Variants in ADAMTSL1 observed in about 807,000 individuals in gnomAD.
ADAMTSL1 encodes the protein ADAMTS-like protein 1.
A neutral mutation model predicts 201.8 loss-of-function variants in ADAMTSL1; 126 were observed. That is an observed-to-expected ratio of 0.62 (90% CI 0.54 to 0.72). The LOEUF is 0.72. Ranked by LOEUF, ADAMTSL1 falls within the 30% of genes least tolerant of loss-of-function variation. The pLI is 0.00. For synonymous variants in ADAMTSL1, 1,121 were observed against 903.4 expected (o/e 1.24, Z -4.32); for missense variants, 2,679 against 2,277.8 (o/e 1.18, Z -3.59).
At chr9:18,342,304 A>T (rs1013414468) in intron 2 of ADAMTSL1, among the ~76,000 whole-genome samples, 8 of 152,150 alleles carry the variant, frequency 5.3e-5, no homozygotes, top group Non-Finnish European at 1.2e-4. Context: ...TTTAGACAGT[A>T]TATAGGTCAT....
At chr9:18,322,365 G>C (rs4526458) in intron 2 of ADAMTSL1, among the ~76,000 whole-genome samples, 48,973 of 152,098 alleles carry the variant, frequency 0.32, 8,752 homozygotes, top group Admixed American at 0.51. Context: ...AGGTGTGGTG[G>C]CTTACACCTG....
At chr9:18,535,388 G>A (rs1819702879) in intron 3 of ADAMTSL1, among the ~76,000 whole-genome samples, 1 of 152,172 alleles carries the variant, frequency 6.6e-6, no homozygotes, top group African/African-American at 2.4e-5. Context: ...CAACAAGACT[G>A]TAGGAAGTTC....
intron 2 of ADAMTSL1, among the ~76,000 whole-genome samples, chr9:18,373,621 C>T (rs1417040): frequency 0.71 from 105,547 of 148,048 alleles, 36,315 homozygotes; most frequent in East Asian, 0.87. Flanking sequence ...CTAAACCCAA[C>T]GGAGATTTTG....
chr9:17,913,848 G>A (rs1161494411), intron 1 of ADAMTSL1, among the ~76,000 whole-genome samples: 3 of 151,998 alleles, frequency 2.0e-5, no homozygotes, highest in Non-Finnish European at 2.9e-5. Context: ...TATCACCACC[G>A]ATCCCACAGA....
chr9:18,687,422 T>C (rs994562128), intron 13 of ADAMTSL1, among the ~76,000 whole-genome samples: 2 of 152,218 alleles, frequency 1.3e-5, no homozygotes, highest in Non-Finnish European at 2.9e-5. Flanking sequence ...AGACTCACAC[T>C]GCTTAAATTA....
intron 1 of ADAMTSL1, among the ~76,000 whole-genome samples, chr9:18,482,970 G>A (rs182524402): frequency 1.9e-3 from 283 of 152,278 alleles, no homozygotes; most frequent in African/African-American, 5.9e-3. Context: ...ACTGGTCTGA[G>A]ATAACAAACA....
intron 2 of ADAMTSL1, among the ~76,000 whole-genome samples, chr9:18,417,999 A>G (rs918354533): frequency 3.3e-5 from 5 of 152,364 alleles, no homozygotes; most frequent in Admixed American, 3.3e-4. Context: ...AAATAATACA[A>G]TATGACCAAG....
intron 1 of ADAMTSL1, among the ~76,000 whole-genome samples, chr9:18,066,880 T>C (rs111243869): frequency 0.015 from 2,268 of 152,170 alleles, 69 homozygotes; most frequent in South Asian, 0.05. Context: ...AGTAAACTAT[T>C]GCGAGAACAA....
chr9:18,896,711 T>C (rs1247692500), intron 26 of ADAMTSL1, among the ~76,000 whole-genome samples: 3 of 152,170 alleles, frequency 2.0e-5, no homozygotes, highest in Non-Finnish European at 4.4e-5. Context: ...TTCTCCTACA[T>C]ATCTTTGCAA....
At chr9:18,193,813 TG>T (rs1829068291) in intron 2 of ADAMTSL1, among the ~76,000 whole-genome samples, 1 of 151,992 alleles carries the variant, frequency 6.6e-6, no homozygotes, top group African/African-American at 2.4e-5. Flanking sequence ...AAAGACTGAC[TG>T]CCCTTTTCTT....
chr9:17,990,076 T>C (rs1786122029), intron 1 of ADAMTSL1, among the ~76,000 whole-genome samples: 1 of 151,900 alleles, frequency 6.6e-6, no homozygotes, highest in African/African-American at 2.4e-5. Flanking sequence ...AATAAAACCT[T>C]TGTGGTAGGA....
At chr9:18,502,480 G>A (rs184374435) in intron 1 of ADAMTSL1, among the ~76,000 whole-genome samples, 52 of 152,236 alleles carry the variant, frequency 3.4e-4, no homozygotes, top group African/African-American at 1.3e-3. Context: ...AATTTAAATG[G>A]GCTATGGAGA....
chr9:18,022,521 C>T (rs1448368926), intron 1 of ADAMTSL1, among the ~76,000 whole-genome samples: 6 of 151,792 alleles, frequency 4.0e-5, no homozygotes, highest in Non-Finnish European at 1.5e-5. Flanking sequence ...TCTAGGTTGT[C>T]GCATAAAGAA....
At chr9:18,084,376 G>C (rs545864312) in intron 1 of ADAMTSL1, among the ~76,000 whole-genome samples, 3 of 152,028 alleles carry the variant, frequency 2.0e-5, no homozygotes, top group Admixed American at 2.0e-4. Flanking sequence ...GCAAAAATTA[G>C]CTGGGCGCGG....
At chr9:18,015,345 C>A (rs1261475278) in intron 1 of ADAMTSL1, among the ~76,000 whole-genome samples, 3 of 152,072 alleles carry the variant, frequency 2.0e-5, no homozygotes, top group Non-Finnish European at 4.4e-5. Flanking sequence ...AGATGGTGAT[C>A]TCATTTCACA....
At position 18,817,198 on chromosome 9, in the gene ADAMTSL1, G is replaced by C; in HGVS notation, c.3895G>C (p.Val1299Leu). 1 of 1,566,198 alleles carries C rather than the reference G, an allele frequency of 6.4e-7. No homozygotes were observed. The highest frequency in any genetic ancestry group is 1.2e-5 in the South Asian group (1 of 85,138). ...TVDIGSTIKT[V>L]QGVNVTINCQ... ...CGATATAGGAAGCACCATCAAAACAGTGCAGGGAGTGAATGTGACAATCAA... is the reference window on the plus strand; with the variant it reads ...CGATATAGGAAGCACCATCAAAACACTGCAGGGAGTGAATGTGACAATCAA... The change falls in exon 21 of 29, where the codon GTG (valine) becomes CTG (leucine). Residue 1299 changes from valine (V) to leucine (L), a missense_variant. Coordinates refer to ENST00000380548, the MANE Select transcript of ADAMTSL1 (RefSeq NM_001040272.6).
chr9:18,181,354 A>G (rs1470964531), intron 2 of ADAMTSL1, among the ~76,000 whole-genome samples: 5 of 152,254 alleles, frequency 3.3e-5, no homozygotes, highest in Non-Finnish European at 7.3e-5. Context: ...CAGGCAATCT[A>G]CAAAATGGGA....
intron 1 of ADAMTSL1, among the ~76,000 whole-genome samples, chr9:18,487,399 A>G (rs2131838281): frequency 6.6e-6 from 1 of 152,334 alleles, no homozygotes; most frequent in Non-Finnish European, 1.5e-5. Context: ...ATGCTTTGGA[A>G]CAGCATCAAA....
intron 15 of ADAMTSL1, among the ~76,000 whole-genome samples, chr9:18,731,677 A>C (rs1818224916): frequency 6.6e-6 from 1 of 152,198 alleles, no homozygotes; most frequent in Admixed American, 6.5e-5. Context: ...CTGTACAGGA[A>C]GCATAGCAGC....
Sources: allele counts gnomAD v4.1 joint callset (sites outside exome capture counted in the v4.1 genomes callset), GRCh38; gene constraint gnomAD v4.1.1; transcripts MANE v1.5; gene names NCBI Gene and HGNC (gene_info 2026-07-23, HGNC 2026-07-21).